The following TGFBR2 variants were observed in gnomAD, a reference collection of about 807,000 sequenced individuals.
TGFBR2 encodes TGF-beta receptor type-2.
A neutral mutation model predicts 49.0 loss-of-function variants in TGFBR2; 18 were observed. The ratio of observed to expected loss-of-function variants is 0.37; its 90% CI spans 0.25 to 0.54. The LOEUF is 0.54. Among genes scored for constraint, TGFBR2 ranks in the 20% least tolerant of loss-of-function variants. The pLI is 0.85. For missense variants in TGFBR2, 525 were observed against 722.6 expected, an observed-to-expected ratio of 0.73 and a Z score of 3.13; for synonymous variants, 282 against 275.9, an observed-to-expected ratio of 1.02 and a Z score of -0.22.
chr3:30,647,405 C>T (rs928593508), intron 2 of TGFBR2, among the ~76,000 whole-genome samples: 1 of 152,122 alleles, frequency 6.6e-6, no homozygotes, highest in African/African-American at 2.4e-5. Context: ...CTCCAAAAAC[C>T]TCCTGCACAG....
In TGFBR2 at chr3:30,691,452, G is replaced by T. The variant is rs1699707899; in HGVS notation, c.1557G>T (p.Glu519Asp). 2.5e-6 allele frequency: 4 copies of T among 1,614,094 alleles called. No individual in the cohort carries two copies. Among genetic ancestry groups the T allele is most frequent in the Non-Finnish European group, 3.4e-6 (4 of 1,179,984 alleles). Residue 519 changes from glutamate (E) to aspartate (D), a missense_variant, in exon 7 of 7, where the codon GAG becomes GAT. Coordinates refer to ENST00000295754, the MANE Select transcript of TGFBR2 (RefSeq NM_003242.6). ...AGATGGTGTGTGAGACGTTGACTGA[G>T]TGCTGGGACCACGACCCAGAGGCCC... The part of the protein sequence containing the change: ...GIQMVCETLT[E>D]CWDHDPEARL...
Position 30,678,955 on chromosome 3 carries a change from G to T in TGFBR2, c.1396+4709G>T, listed in dbSNP as rs191930322. Among the ~76,000 whole-genome samples, 98 of 152,292 alleles carry T rather than the reference G, an allele frequency of 6.4e-4. 1 individual carries two copies. In the South Asian group the frequency reaches 0.016, roughly 25 times the overall value. ...TAGGATACAAGGATTAGGGACAGAA[G>T]ATTTCACAGAAAACTGTGAAGTCCC... is the stretch of plus-strand genomic sequence containing the variant. On this transcript the variant is annotated intron_variant, in intron 5 of 6. Transcript: ENST00000295754.
rs1699436816 is a variant in TGFBR2, at chr3:30,676,345, T to G, written c.1396+2099T>G. On this transcript the variant is annotated intron_variant, in intron 5 of 6. Transcript: ENST00000295754. The surrounding 1 kb of genome is among the most constrained non-coding windows in gnomAD (Gnocchi z 4.3). ...CTTATTCATCATTTACCCACTAATT[T>G]GATGATCTATGACTAATTCCTGCCT... 6.6e-6 allele frequency among the ~76,000 whole-genome samples: 1 copy of G among 152,216 alleles called. No individual in the cohort carries two copies. The highest frequency in any genetic ancestry group is 2.4e-5 in the African/African-American group (1 of 41,444).
intron 1 of TGFBR2, among the ~76,000 whole-genome samples, chr3:30,625,098 A>G (rs1698307819): frequency 6.6e-6 from 1 of 152,168 alleles, no homozygotes; most frequent in South Asian, 2.1e-4. Flanking sequence ...TAAAAACTGT[A>G]ATTTTTACAT....
intron 5 of TGFBR2, among the ~76,000 whole-genome samples, chr3:30,682,678 A>G (rs1387678819): frequency 6.6e-6 from 1 of 152,222 alleles, no homozygotes; most frequent in African/African-American, 2.4e-5. Context: ...AGTCACATCT[A>G]CTTCCCTAAA....
chr3:30,613,989 A>C (rs1835538), intron 1 of TGFBR2, among the ~76,000 whole-genome samples: 6 of 151,972 alleles, frequency 3.9e-5, no homozygotes, highest in Non-Finnish European at 8.8e-5. Context: ...GGAATAGACA[A>C]CATTGAACAT....
chr3:30,612,870 C>A (rs75280455), intron 1 of TGFBR2, among the ~76,000 whole-genome samples: 1,818 of 152,272 alleles, frequency 0.012, 12 homozygotes, highest in Non-Finnish European at 0.02. Context: ...TTCTCTTCCT[C>A]ACCCATTACA....
At chr3:30,683,419 T>C (rs1699568284) in intron 5 of TGFBR2, among the ~76,000 whole-genome samples, 1 of 152,240 alleles carries the variant, frequency 6.6e-6, no homozygotes. Context: ...ATTTCTACTG[T>C]ATTTTACCAA....
chr3:30,633,486 G>A (rs1345552565), intron 1 of TGFBR2, among the ~76,000 whole-genome samples: 1 of 152,190 alleles, frequency 6.6e-6, no homozygotes, highest in African/African-American at 2.4e-5. Context: ...TTGCATTCTA[G>A]TTAAACCCTA....
At chr3:30,687,760 C>A (rs1175539631) in intron 5 of TGFBR2, among the ~76,000 whole-genome samples, 1 of 152,112 alleles carries the variant, frequency 6.6e-6, no homozygotes, top group Non-Finnish European at 1.5e-5. Flanking sequence ...CCAGGTTGCC[C>A]CCTGGACAAC....
chr3:30,612,764 A>G (rs1319028416), intron 1 of TGFBR2, among the ~76,000 whole-genome samples: 2 of 152,154 alleles, frequency 1.3e-5, no homozygotes, highest in Non-Finnish European at 2.9e-5. Context: ...ACTGCTGATG[A>G]GGGCAAGAAG....
At position 30,692,418 on chromosome 3, in the gene TGFBR2, T is replaced by C. The variant is rs765340266; in HGVS notation, c.*819T>C. 8.6e-6 allele frequency: 2 copies of C among 231,554 alleles called. No individual in the cohort carries two copies. Among genetic ancestry groups the C allele is most frequent in the Non-Finnish European group, 1.7e-5 (2 of 117,028 alleles). 14.3% of individuals were successfully genotyped at this position (231,554 alleles called of 1,614,324 possible). A position where few individuals can be genotyped will look rare whatever the true frequency, so the allele number is the denominator to read the frequency against. ...TTTTGAACCCCACTTTTTACCTTCA[T>C]GGGTTGCAGAAAAATCAGAACAGAT... is the stretch of plus-strand genomic sequence containing the variant. On this transcript the variant is annotated 3_prime_UTR_variant, in exon 7 of 7. Transcript: ENST00000295754.
chr3:30,649,007 T>C (rs1698828624), intron 2 of TGFBR2, among the ~76,000 whole-genome samples: 1 of 152,164 alleles, frequency 6.6e-6, no homozygotes, highest in Non-Finnish European at 1.5e-5. Flanking sequence ...GCCTTCCGTT[T>C]TCCTTGCTGT....
At position 30,621,273 on chromosome 3, in the gene TGFBR2, AT is replaced by A. The variant is rs1215609386; in HGVS notation, c.94+14297del. On this transcript the variant is annotated intron_variant, in intron 1 of 6. Coordinates refer to ENST00000295754, the MANE Select transcript of TGFBR2 (RefSeq NM_003242.6). ...AAAAGGAGATGAAATAAGAATTTTA[AT>A]ATTCTTTTTTTTTTTTTTTTTTTGA... Among the ~76,000 whole-genome samples the A allele has an allele frequency of 8.6e-5, 10 of 115,714 alleles. No homozygotes were observed. The East Asian group carries it at 1.6e-3, about 18-fold the overall frequency. 75.9% of individuals were successfully genotyped at this position (115,714 alleles called of 152,430 possible).
At chr3:30,644,546 C>T (rs1698695510) in intron 1 of TGFBR2, among the ~76,000 whole-genome samples, 2 of 152,160 alleles carry the variant, frequency 1.3e-5, no homozygotes, top group South Asian at 4.1e-4. Flanking sequence ...CCTCACCACC[C>T]CTCACCACGG....
chr3:30,665,046 G>T (rs931761576), intron 3 of TGFBR2, among the ~76,000 whole-genome samples: 5 of 152,180 alleles, frequency 3.3e-5, no homozygotes, highest in African/African-American at 1.2e-4. Flanking sequence ...GCACACCTTG[G>T]TGTATTAGTG....
intron 1 of TGFBR2, among the ~76,000 whole-genome samples, chr3:30,609,793 A>T (rs544395199): frequency 6.3e-4 from 96 of 152,284 alleles, no homozygotes; most frequent in African/African-American, 2.0e-3. Context: ...TAGGCCCCAA[A>T]TCTGATCTTC....
intron 3 of TGFBR2, among the ~76,000 whole-genome samples, chr3:30,669,622 C>A (rs1317383883): frequency 6.6e-6 from 1 of 152,140 alleles, no homozygotes; most frequent in Non-Finnish European, 1.5e-5. Flanking sequence ...TGCAAATGGG[C>A]TTTCCAGTTG....
chr3:30,670,067 A>G (rs1338106596), intron 3 of TGFBR2, among the ~76,000 whole-genome samples: 1 of 152,114 alleles, frequency 6.6e-6, no homozygotes, highest in East Asian at 1.9e-4. Context: ...GTTTGGTTCC[A>G]TACCACCTAC....
Sources: gnomAD v4.1 joint callset for allele counts (sites outside exome capture counted in the v4.1 genomes callset) on GRCh38, gnomAD v4.1.1 for gene constraint, Gnocchi (gnomAD v3.1) non-coding constraint, MANE v1.5 for transcripts, NCBI Gene and HGNC (gene_info 2026-07-23, HGNC 2026-07-21) for gene names.